Variants in FHIP2A observed in about 807,000 individuals in gnomAD.
FHIP2A encodes FHF complex subunit HOOK interacting protein 2A, also known as family with sequence similarity 160 member B1.
In FHIP2A, 46 loss-of-function variants were observed where a neutral mutation model predicts 93.5. That is an observed-to-expected ratio of 0.49 (90% CI 0.39 to 0.63). FHIP2A has a LOEUF of 0.63. FHIP2A is among the 20% of genes least tolerant of loss of function. The pLI, the probability that FHIP2A is intolerant of heterozygous loss-of-function variation, is 0.00. For synonymous variants in FHIP2A, 332 were observed against 326.5 expected (o/e 1.02, Z -0.18); for missense variants, 769 against 909.7 (o/e 0.85, Z 1.99).
intron 1 of FHIP2A, among the ~76,000 whole-genome samples, chr10:114,822,687 T>G (rs978854928): frequency 6.6e-6 from 1 of 152,214 alleles, no homozygotes; most frequent in Non-Finnish European, 1.5e-5. Flanking sequence ...GTTGCTGGCT[T>G]TTGCTTTCTT....
chr10:114,892,515 GC>G (rs2083980298), intron 16 of FHIP2A, among the ~76,000 whole-genome samples: 3 of 152,136 alleles, frequency 2.0e-5, no homozygotes, highest in Admixed American at 2.0e-4. Context: ...GCGGGCACCT[GC>G]AGTACCAGCT....
At chr10:114,875,855 AAG>A (rs2083883872) in intron 16 of FHIP2A, among the ~76,000 whole-genome samples, 1 of 117,064 alleles carries the variant, frequency 8.5e-6, no homozygotes, top group Admixed American at 8.2e-5. Flanking sequence ...AAGAAAGAAA[AAG>A]AAAGAAAGAA....
chr10:114,835,331 C>T (rs2083630999), intron 3 of FHIP2A, among the ~76,000 whole-genome samples: 1 of 152,190 alleles, frequency 6.6e-6, no homozygotes. Context: ...GTTATGGTCT[C>T]AGATATACAA....
Position 114,847,129 on chromosome 10 carries a change from A to G in FHIP2A, c.1608A>G (p.Pro536=), listed in dbSNP as rs765949200. ...ATCCATTATTTACTGACATTTCACC[A>G]GAAAACACTTTGCCAAACCAAGAGT... ...EEDPLFTDIS[P]ENTLPNQEWL... Residue 536 remains proline, a synonymous_variant, in exon 12 of 17, where the codon CCA becomes CCG. Transcript: ENST00000369248. The G allele has an allele frequency of 2.1e-5, 34 of 1,613,206 alleles. No individual in the cohort carries two copies. The Admixed American group carries it at 4.7e-4, about 22-fold the overall frequency.
chr10:114,875,963 A>C (rs779746210), intron 16 of FHIP2A, among the ~76,000 whole-genome samples: 6 of 151,744 alleles, frequency 4.0e-5, no homozygotes, highest in Non-Finnish European at 7.4e-5. Flanking sequence ...GAAAGGAAAG[A>C]AGGTAGGAAG....
intron 1 of FHIP2A, among the ~76,000 whole-genome samples, chr10:114,827,098 A>G (rs2083581179): frequency 6.6e-6 from 1 of 152,226 alleles, no homozygotes; most frequent in Non-Finnish European, 1.5e-5. Context: ...TTATCCATCT[A>G]GATACTTTTG....
chr10:114,834,092 A>G (rs952026348), intron 3 of FHIP2A, among the ~76,000 whole-genome samples: 187 of 152,302 alleles, frequency 1.2e-3, no homozygotes, highest in African/African-American at 1.7e-3. Context: ...CTAAAAGTCT[A>G]TATAGTTCTG....
chr10:114,871,996 G>A (rs746793963), intron 16 of FHIP2A, among the ~76,000 whole-genome samples: 1 of 152,194 alleles, frequency 6.6e-6, no homozygotes, highest in Admixed American at 6.5e-5. Flanking sequence ...TCCAGACTCT[G>A]ATAAGTCCGC....
intron 4 of FHIP2A, 75 bp from the exon 5 acceptor site, chr10:114,836,049 G>C: frequency 8.7e-7 from 1 of 1,151,930 alleles, no homozygotes; most frequent in Non-Finnish European, 1.2e-6. Context: ...TATCCTTAAG[G>C]TAAATGAATG....
intron 1 of FHIP2A, among the ~76,000 whole-genome samples, chr10:114,823,155 AATG>A (rs886222771): frequency 1.2e-4 from 18 of 152,228 alleles, no homozygotes; most frequent in African/African-American, 3.6e-4. Flanking sequence ...CAGATACAAC[AATG>A]ATTTTTTATG....
Position 114,861,933 on chromosome 10 carries a change from T to TA in FHIP2A, c.*394dup, listed in dbSNP as rs560566030. 109 of 987,334 alleles carry TA rather than the reference T, an allele frequency of 1.1e-4. No individual in the cohort carries two copies. In the African/African-American group the frequency reaches 1.4e-3, roughly 12 times the overall value. The allele number at this position is 987,334 out of a possible 1,614,324, so 61.2% of individuals were successfully genotyped here. A position where few individuals can be genotyped will look rare whatever the true frequency, so the allele number is the denominator to read the frequency against. On this transcript the variant is annotated 3_prime_UTR_variant, in exon 17 of 17. Coordinates refer to ENST00000369248, the MANE Select transcript of FHIP2A (RefSeq NM_020940.4). ...ACATTCTCTGGGACTCAAATGCTTG[T>TA]ATTCTTTTGGATTAATAAGTAGCAA...
At chr10:114,834,076 C>G (rs2083623618) in intron 3 of FHIP2A, among the ~76,000 whole-genome samples, 1 of 152,034 alleles carries the variant, frequency 6.6e-6, no homozygotes, top group Admixed American at 6.6e-5. Flanking sequence ...AGGGGCCTCC[C>G]CAGCCCTAAA....
intron 16 of FHIP2A, among the ~76,000 whole-genome samples, chr10:114,894,352 A>G (rs1171586799): frequency 1.4e-5 from 2 of 147,984 alleles, no homozygotes; most frequent in African/African-American, 2.5e-5. Context: ...TGAGCCCAGG[A>G]GTTCAAGACC....
At chr10:114,861,192 T>C (rs1446848430) in intron 15 of FHIP2A, 39 bp from the exon 16 acceptor site, 20 of 1,608,820 alleles carry the variant, frequency 1.2e-5, no homozygotes, top group Non-Finnish European at 1.6e-5. Context: ...TCTGTGTAGC[T>C]GATTTCAGGA....
chr10:114,855,370 ATT>A, intron 14 of FHIP2A, 30 bp downstream of exon 14: 6 of 1,531,978 alleles, frequency 3.9e-6, no homozygotes, highest in Admixed American at 1.8e-5. Context: ...TAATTTTCAT[ATT>A]TTTTTTTGCC....
At chr10:114,839,338 G>A (rs189216301) in intron 5 of FHIP2A, among the ~76,000 whole-genome samples, 2,639 of 152,048 alleles carry the variant, frequency 0.017, 35 homozygotes, top group Middle Eastern at 0.027. Context: ...TGTTGGCCAG[G>A]CTGGTCTCAA....
chr10:114,884,634 C>T (rs951979596), intron 16 of FHIP2A, among the ~76,000 whole-genome samples: 18 of 152,114 alleles, frequency 1.2e-4, no homozygotes, highest in Non-Finnish European at 1.9e-4. Flanking sequence ...CCAATATGGC[C>T]GGGCGCGGTG....
At chr10:114,838,251 A>G (rs1299525627) in intron 5 of FHIP2A, among the ~76,000 whole-genome samples, 2 of 152,158 alleles carry the variant, frequency 1.3e-5, no homozygotes, top group Admixed American at 6.5e-5. Context: ...TCTATTTTAC[A>G]TTACTAAGTA....
In FHIP2A at chr10:114,848,373, G is replaced by A. The variant is rs143418720; in HGVS notation, c.1713-274G>A. 6.7e-3 allele frequency among the ~76,000 whole-genome samples: 1,026 copies of A among 152,076 alleles called. 13 individuals carry two copies. Among genetic ancestry groups the A allele is most frequent in the African/African-American group, 0.024 (981 of 41,472 alleles). ...TCTTAGGCTTACTTCTATTTTAAGT[G>A]GAATTAGTCATTTTTAAAACCTTTA... On this transcript the variant is annotated intron_variant, in intron 12 of 16. Coordinates refer to ENST00000369248, the MANE Select transcript of FHIP2A (RefSeq NM_020940.4).
Sources: gnomAD v4.1 joint callset for allele counts (sites outside exome capture counted in the v4.1 genomes callset) on GRCh38, gnomAD v4.1.1 for gene constraint, MANE v1.5 for transcripts, NCBI Gene and HGNC (gene_info 2026-07-23, HGNC 2026-07-21) for gene names.